DPP10: variants seen among roughly 807,000 people sequenced by gnomAD.
The protein encoded by DPP10 is dipeptidyl peptidase like 10, also known as inactive dipeptidyl peptidase 10.
Under a neutral mutation model 120.9 loss-of-function variants are expected in DPP10, and 33 were observed. The ratio of observed to expected loss-of-function variants is 0.27; its 90% CI spans 0.21 to 0.37. The LOEUF is 0.37. DPP10 is among the 10% of genes least tolerant of loss of function. DPP10 has a pLI of 1.00. For missense variants in DPP10, 816 were observed against 942.8 expected (o/e 0.87, Z 1.76); for synonymous variants, 337 against 326.1 (o/e 1.03, Z -0.36).
At chr2:115,586,311 A>T (rs889532143) in intron 5 of DPP10, among the ~76,000 whole-genome samples, 6 of 152,198 alleles carry the variant, frequency 3.9e-5, no homozygotes, top group African/African-American at 9.7e-5. Flanking sequence ...TGGGCAACAG[A>T]GCGAGACTCT....
At chr2:115,375,204 C>T (rs1234533718) in intron 3 of DPP10, among the ~76,000 whole-genome samples, 2 of 152,190 alleles carry the variant, frequency 1.3e-5, no homozygotes, top group South Asian at 2.1e-4. Context: ...GCATCCAGGT[C>T]ACATCTTGAA....
chr2:114,671,283 C>G (rs1322093472), intron 1 of DPP10, among the ~76,000 whole-genome samples: 1 of 152,084 alleles, frequency 6.6e-6, no homozygotes, highest in East Asian at 1.9e-4. Flanking sequence ...TCTAAATTGC[C>G]TAAAGATGCA....
chr2:114,540,289 A>G (rs993467331), intron 1 of DPP10, among the ~76,000 whole-genome samples: 1 of 152,218 alleles, frequency 6.6e-6, no homozygotes, highest in Non-Finnish European at 1.5e-5. Flanking sequence ...AATGGCATGG[A>G]ATATGTATAA....
chr2:115,339,911 G>C (rs12999921), intron 2 of DPP10, among the ~76,000 whole-genome samples: 1 of 152,052 alleles, frequency 6.6e-6, no homozygotes, highest in African/African-American at 2.4e-5. Flanking sequence ...AACTAAACAC[G>C]CAAGAATGCA....
intron 19 of DPP10, among the ~76,000 whole-genome samples, chr2:115,803,027 G>T (rs1685455704): frequency 6.6e-6 from 1 of 152,156 alleles, no homozygotes; most frequent in South Asian, 2.1e-4. Flanking sequence ...TGTTGATAGT[G>T]GGCTGTTAAA....
At chr2:114,739,039 A>G (rs1426880485) in intron 1 of DPP10, among the ~76,000 whole-genome samples, 1 of 152,136 alleles carries the variant, frequency 6.6e-6, no homozygotes, top group Non-Finnish European at 1.5e-5. Context: ...TACTCTGCCC[A>G]TTTCCTAGTT....
intron 1 of DPP10, among the ~76,000 whole-genome samples, chr2:115,135,764 G>T (rs1052377726): frequency 6.6e-6 from 1 of 152,134 alleles, no homozygotes; most frequent in South Asian, 2.1e-4. Context: ...GAGGCTGGCT[G>T]TTCAATCTTA....
At chr2:115,403,079 A>G (rs994264168) in intron 3 of DPP10, among the ~76,000 whole-genome samples, 1 of 151,400 alleles carries the variant, frequency 6.6e-6, no homozygotes, top group Admixed American at 6.6e-5. Context: ...CAATCAAGTG[A>G]GAGTTATTCT....
At chr2:115,382,166 A>G (rs991007249) in intron 3 of DPP10, among the ~76,000 whole-genome samples, 23 of 151,956 alleles carry the variant, frequency 1.5e-4, no homozygotes, top group Admixed American at 8.5e-4. Flanking sequence ...CCTCACTGCC[A>G]CCTTGCAGTT....
intron 1 of DPP10, among the ~76,000 whole-genome samples, chr2:114,773,148 G>C (rs1178456959): frequency 6.6e-6 from 1 of 152,140 alleles, no homozygotes; most frequent in Non-Finnish European, 1.5e-5. Flanking sequence ...TCTTTTATGT[G>C]ACATTACTGA....
intron 5 of DPP10, among the ~76,000 whole-genome samples, chr2:115,609,917 GA>G (rs760208984): frequency 1.6e-4 from 25 of 152,282 alleles, no homozygotes; most frequent in Middle Eastern, 3.4e-3. Context: ...CCATTAATCA[GA>G]AATTAATACA....
At chr2:115,352,772 C>G (rs1386488875) in intron 3 of DPP10, among the ~76,000 whole-genome samples, 1 of 152,078 alleles carries the variant, frequency 6.6e-6, no homozygotes, top group Non-Finnish European at 1.5e-5. Flanking sequence ...GTAGACATAA[C>G]TGAAGAGTTG....
intron 1 of DPP10, among the ~76,000 whole-genome samples, chr2:115,163,408 C>T (rs1455256571): frequency 6.6e-6 from 1 of 152,196 alleles, no homozygotes; most frequent in African/African-American, 2.4e-5. Context: ...TTACAGCTCC[C>T]TTCTCGTTTA....
intron 1 of DPP10, among the ~76,000 whole-genome samples, chr2:114,790,413 C>T (rs962007014): frequency 5.3e-5 from 8 of 152,010 alleles, no homozygotes; most frequent in African/African-American, 1.9e-4. Flanking sequence ...GGCTCTTTTT[C>T]CCTTTATATC....
intron 1 of DPP10, among the ~76,000 whole-genome samples, chr2:115,182,288 G>C (rs970546817): frequency 6.6e-6 from 1 of 152,114 alleles, no homozygotes; most frequent in Non-Finnish European, 1.5e-5. Flanking sequence ...CACAGAAGTT[G>C]GTTATTATGG....
intron 1 of DPP10, among the ~76,000 whole-genome samples, chr2:115,240,880 A>G (rs967013333): frequency 6.6e-6 from 1 of 152,236 alleles, no homozygotes; most frequent in African/African-American, 2.4e-5. Flanking sequence ...ACACAGCTAC[A>G]CTTCTCAACT....
chr2:114,912,469 T>G lies in DPP10; in HGVS notation c.61-396770T>G, dbSNP rs142943879. 6.5e-3 allele frequency among the ~76,000 whole-genome samples: 992 copies of G among 152,194 alleles called. 15 individuals carry two copies. Among genetic ancestry groups the G allele is most frequent in the African/African-American group, 0.023 (952 of 41,512 alleles). ...ACATTCATAATAATATTACTAAATATAGATGTTAAAAACTTAGCACTGTGA... is the reference window on the plus strand; with the variant it reads ...ACATTCATAATAATATTACTAAATAGAGATGTTAAAAACTTAGCACTGTGA... On this transcript the variant is annotated intron_variant, in intron 1 of 25. Transcript: ENST00000410059.
In DPP10 at chr2:115,550,664, A is replaced by G. The variant is rs115422489; in HGVS notation, c.441+24692A>G. 3.2e-3 allele frequency among the ~76,000 whole-genome samples: 492 copies of G among 152,274 alleles called. 3 individuals are homozygous for G. The highest frequency in any genetic ancestry group is 0.011 in the African/African-American group (461 of 41,580). ...ACTTTTCTGTTAAAGAGAATCAACT[A>G]TAACGCTTATTTAAAGGAATGTGAA... On this transcript the variant is annotated intron_variant, in intron 5 of 25. Transcript: ENST00000410059.
intron 1 of DPP10, among the ~76,000 whole-genome samples, chr2:114,530,701 C>A (rs957891126): frequency 2.6e-4 from 40 of 152,026 alleles, no homozygotes; most frequent in Non-Finnish European, 4.9e-4. Context: ...ATGATTGCAG[C>A]AGAAGCATCT....
Sources: allele counts gnomAD v4.1 joint callset (sites outside exome capture counted in the v4.1 genomes callset), GRCh38; gene constraint gnomAD v4.1.1; transcripts MANE v1.5; gene names NCBI Gene and HGNC (gene_info 2026-07-23, HGNC 2026-07-21).